The following FXR2 variants were observed in gnomAD, a reference collection of about 807,000 sequenced individuals.
FXR2 encodes FMR1 autosomal homolog 2, also known as RNA-binding protein FXR2.
A neutral mutation model predicts 87.3 loss-of-function variants in FXR2; 9 were observed. That is an observed-to-expected ratio of 0.10 (90% CI 0.06 to 0.18). The LOEUF (loss-of-function observed/expected upper bound fraction) is 0.18. Among genes scored for constraint, FXR2 ranks in the 10% least tolerant of loss-of-function variants. The probability of loss-of-function intolerance (pLI) is 1.00; values close to 1 mark genes in which losing one functional copy is unlikely to be tolerated. For missense variants in FXR2, 661 were observed against 893.6 expected (o/e 0.74, Z 3.32); for synonymous variants, 331 against 328.3 (o/e 1.01, Z -0.09).
Position 7,603,805 on chromosome 17 carries a change from C to G in FXR2, c.401G>C (p.Gly134Ala), listed in dbSNP as rs774809290. 1.2e-6 allele frequency: 2 copies of G among 1,613,956 alleles called. No homozygotes were observed. Among genetic ancestry groups the G allele is most frequent in the Non-Finnish European group, 1.7e-6 (2 of 1,179,880 alleles). The change falls in exon 5 of 17, where the codon GGC becomes GCC. Residue 134 changes from glycine to alanine, a missense_variant. Physicochemically the swap from Gly to Ala is moderately conservative, Grantham distance 60 (BLOSUM62 0). Around this residue, in one of 3 missense-constraint regions of FXR2, gnomAD observed 170 missense variants for 247.2 expected, o/e 0.69. Transcript: ENST00000250113. ...AGCCATGGTAACCTTGAAGAAGCTG[C>G]CTTTGGTTGCAAGGGGATTGGGATT... Reference protein sequence around the residue: ...PVNPNPLATKGSFFKVTMAVP... With the variant: ...PVNPNPLATKASFFKVTMAVP...
chr17:7,609,970 A>ATATGTATACATATATATACATG (rs2071842200), intron 1 of FXR2, among the ~76,000 whole-genome samples: 1 of 103,698 alleles, frequency 9.6e-6, no homozygotes, highest in Non-Finnish European at 2.4e-5. Flanking sequence ...ATATACATGT[A>ATATGTATACATATATATACATG]TATGTATACA....
At position 7,614,563 on chromosome 17, in the gene FXR2, G is replaced by A. The variant is rs767742545; in HGVS notation, c.-31C>T. 5.0e-5 allele frequency: 70 copies of A among 1,402,460 alleles called. No homozygotes were observed. Among genetic ancestry groups the A allele is most frequent in the Non-Finnish European group, 6.4e-5 (68 of 1,068,682 alleles). The allele number at this position is 1,402,460 out of a possible 1,614,324, so 86.9% of individuals were successfully genotyped here. On this transcript the variant is annotated 5_prime_UTR_variant, in exon 1 of 17. Coordinates refer to ENST00000250113, the MANE Select transcript of FXR2 (RefSeq NM_004860.4). ...CGCCACCGCCTCCGACTCCCCCGGC[G>A]GCGGCTGCAGCAGCAGTCTGAGTGC...
chr17:7,606,710 T>C (rs950777881), intron 1 of FXR2, among the ~76,000 whole-genome samples: 15 of 152,300 alleles, frequency 9.8e-5, no homozygotes, highest in African/African-American at 3.4e-4. Context: ...TAAGACTTAA[T>C]TTAAAAACAT....
chr17:7,605,570 C>T (rs906661878), intron 3 of FXR2, 75 bp downstream of exon 3: 1 of 791,708 alleles, frequency 1.3e-6, no homozygotes, highest in Non-Finnish European at 2.2e-6. Flanking sequence ...GAGGAAGGAA[C>T]ATGAACCAAC....
intron 1 of FXR2, among the ~76,000 whole-genome samples, chr17:7,608,797 A>G (rs1210046730): frequency 6.6e-6 from 1 of 152,226 alleles, no homozygotes; most frequent in East Asian, 1.9e-4. Context: ...CTTTGATTGC[A>G]GTGATGGACT....
intron 5 of FXR2, 80 bp downstream of exon 5, chr17:7,603,676 TG>T: frequency 7.2e-7 from 1 of 1,388,330 alleles, no homozygotes; most frequent in South Asian, 1.2e-5. Flanking sequence ...AACTGCAAAG[TG>T]GGAGTGATGC....
At chr17:7,601,859 G>A (rs1460246989) in intron 6 of FXR2, among the ~76,000 whole-genome samples, 2 of 151,854 alleles carry the variant, frequency 1.3e-5, no homozygotes, top group South Asian at 2.1e-4. Flanking sequence ...CCCGGGAGTC[G>A]GAGGTTGCAG....
rs1415418206 is a variant in FXR2 at position 7,603,849 on chromosome 17, C to T, written c.357G>A (p.Leu119=). 1.2e-6 allele frequency: 2 copies of T among 1,613,918 alleles called. No homozygotes were observed. Among genetic ancestry groups the T allele is most frequent in the African/African-American group, 1.3e-5 (1 of 75,032 alleles). The change falls in exon 5 of 17, where the codon CTG becomes CTA. Residue 119 remains leucine (L), a synonymous_variant. Coordinates refer to ENST00000250113, the MANE Select transcript of FXR2 (RefSeq NM_004860.4). ...CDATYNEIVT[L]ERLRPVNPNP... ...TGGGATTAACTGGCCGAAGTCGCTCCAGGGTAACAATTTCATTGTAGGTGG... is the reference window on the plus strand; with the variant it reads ...TGGGATTAACTGGCCGAAGTCGCTCTAGGGTAACAATTTCATTGTAGGTGG...
chr17:7,602,464 A>G (rs969168836), intron 6 of FXR2, among the ~76,000 whole-genome samples: 1 of 152,114 alleles, frequency 6.6e-6, no homozygotes, highest in Non-Finnish European at 1.5e-5. Context: ...GCTACTCGGG[A>G]GGCTGAGGCA....
chr17:7,612,763 G>C (rs572908739), intron 1 of FXR2, among the ~76,000 whole-genome samples: 1 of 151,976 alleles, frequency 6.6e-6, no homozygotes, highest in Non-Finnish European at 1.5e-5. Flanking sequence ...TTGGGAGGCC[G>C]AAGCAGGTGG....
intron 3 of FXR2, among the ~76,000 whole-genome samples, chr17:7,605,403 G>A (rs1597878523): frequency 6.6e-6 from 1 of 152,092 alleles, no homozygotes; most frequent in Admixed American, 6.6e-5. Flanking sequence ...AAAAATCAGA[G>A]GGCACTGGAT....
At position 7,592,270 on chromosome 17, in the gene FXR2, G is replaced by A; in HGVS notation, c.1910C>T (p.Ser637Phe). ...PLERTKPSED[S>F]LSGQKGDSVS... is the part of the protein sequence containing the mutation. Reference sequence around the variant, plus strand: ...CCTGCCTACCTTCTGTCCTGAAAGAGAGTCTTCTGAGGGTTTAGTGCGTTC... The same window carrying A: ...CCTGCCTACCTTCTGTCCTGAAAGAAAGTCTTCTGAGGGTTTAGTGCGTTC... The change falls in exon 16 of 17, where the codon TCT becomes TTT. Residue 637 changes from serine to phenylalanine, a missense_variant. Ser to Phe is a radical substitution (Grantham distance 155). Coordinates refer to ENST00000250113, the MANE Select transcript of FXR2 (RefSeq NM_004860.4). The surrounding 1 kb of genome is among the most constrained non-coding windows in gnomAD (Gnocchi z 4.8). 1 of 1,611,184 alleles carries A rather than the reference G, an allele frequency of 6.2e-7. No homozygotes were observed. The highest frequency in any genetic ancestry group is 1.1e-5 in the South Asian group (1 of 91,028).
In FXR2 at chr17:7,592,995, G is replaced by T. The variant is rs762072168; in HGVS notation, c.1517C>A (p.Ser506Tyr). 2.5e-6 allele frequency: 4 copies of T among 1,572,238 alleles called. No individual in the cohort carries two copies. Among genetic ancestry groups the T allele is most frequent in the Non-Finnish European group, 3.4e-6 (4 of 1,161,244 alleles). ...CAGCTGTCTGGTACCTGAGCTAATAGATGAAGAATTGTATCTCGAAGTGGG... is the reference window on the plus strand; with the variant it reads ...CAGCTGTCTGGTACCTGAGCTAATATATGAAGAATTGTATCTCGAAGTGGG... Reference protein sequence around the residue: ...PRPTSRYNSSSISSVLKDPDS... With the variant: ...PRPTSRYNSSYISSVLKDPDS... The change falls in exon 13 of 17, where the codon TCT becomes TAT. Residue 506 changes from serine to tyrosine, a missense_variant. By Grantham distance (144) the Ser-to-Tyr change is moderately radical. Transcript: ENST00000250113. This position sits in a 1 kb window ranked among gnomAD's most constrained non-coding sequence, Gnocchi z 4.8.
chr17:7,602,777 A>G (rs1159476290), intron 6 of FXR2, 132 bp downstream of exon 6: 6 of 598,202 alleles, frequency 1.0e-5, no homozygotes, highest in African/African-American at 3.8e-5. Context: ...TGTAGGAGTC[A>G]GGAGCAATAA....
intron 7 of FXR2, among the ~76,000 whole-genome samples, chr17:7,601,200 T>C (rs74669494): frequency 6.1e-5 from 9 of 148,540 alleles, no homozygotes; most frequent in Admixed American, 2.0e-4. Flanking sequence ...AAAAAAAAAT[T>C]GGCTAAAAGA....
intron 1 of FXR2, among the ~76,000 whole-genome samples, chr17:7,608,231 C>T (rs2071819793): frequency 6.6e-6 from 1 of 151,488 alleles, no homozygotes; most frequent in South Asian, 2.1e-4. Context: ...GTTGGAATTA[C>T]AGGTGTGACC....
At position 7,593,196 on chromosome 17, in the gene FXR2, G is replaced by A. The variant is rs1466889541; in HGVS notation, c.1331-15C>T. The A allele has an allele frequency of 2.0e-6, 3 of 1,506,888 alleles. No homozygotes were observed. The highest frequency in any genetic ancestry group is 2.7e-6 in the Non-Finnish European group (3 of 1,126,844). 93.3% of individuals were successfully genotyped at this position (1,506,888 alleles called of 1,614,324 possible). A position where few individuals can be genotyped will look rare whatever the true frequency, so the allele number is the denominator to read the frequency against. ...TGAGCTGGGGCCTGAAGAACACAAT[G>A]GGATTTATTCACGGCCATTCATCCC... On this transcript the variant is annotated splice_polypyrimidine_tract_variant and intron_variant, in intron 12 of 16. Coordinates refer to ENST00000250113, the MANE Select transcript of FXR2 (RefSeq NM_004860.4). This position sits in a 1 kb window ranked among gnomAD's most constrained non-coding sequence, Gnocchi z 6.1.
Position 7,592,983 on chromosome 17 carries a change from C to T in FXR2, c.1528+1G>A. ...TATTCATGAACCCAGCTGTCTGGTACCTGAGCTAATAGATGAAGAATTGTA... is the reference window on the plus strand; with the variant it reads ...TATTCATGAACCCAGCTGTCTGGTATCTGAGCTAATAGATGAAGAATTGTA... On this transcript the variant is annotated splice_donor_variant, in intron 13 of 16. Coordinates refer to ENST00000250113, the MANE Select transcript of FXR2 (RefSeq NM_004860.4). LOFTEE classifies it high-confidence loss of function. This position sits in a 1 kb window ranked among gnomAD's most constrained non-coding sequence, Gnocchi z 4.8. 6.4e-7 allele frequency: 1 copy of T among 1,568,200 alleles called. No homozygotes were observed. Among genetic ancestry groups the T allele is most frequent in the Non-Finnish European group, 8.6e-7 (1 of 1,158,938 alleles).
At chr17:7,608,100 T>A (rs896285972) in intron 1 of FXR2, among the ~76,000 whole-genome samples, 2 of 151,804 alleles carry the variant, frequency 1.3e-5, no homozygotes, top group Non-Finnish European at 2.9e-5. Flanking sequence ...CACTTTTTTT[T>A]ATTTTTAATA....
Sources: gnomAD v4.1 joint callset for allele counts (sites outside exome capture counted in the v4.1 genomes callset) on GRCh38, gnomAD v4.1.1 for gene constraint, gnomAD v4.1.1 regional missense constraint, Gnocchi (gnomAD v3.1) non-coding constraint, MANE v1.5 for transcripts, NCBI Gene and HGNC (gene_info 2026-07-23, HGNC 2026-07-21) for gene names.